The following ASAP2 variants were observed in gnomAD, a reference collection of about 807,000 sequenced individuals.
The protein encoded by ASAP2 is ArfGAP with SH3 domain, ankyrin repeat and PH domain 2, also known as arf-GAP with SH3 domain, ANK repeat and PH domain-containing protein 2.
In ASAP2, 45 loss-of-function variants were observed where a neutral mutation model predicts 131.4. The observed-to-expected ratio is 0.34, with a 90% confidence interval of 0.27 to 0.44. ASAP2 has a LOEUF of 0.44. ASAP2 is among the 20% of genes least tolerant of loss of function. The probability of loss-of-function intolerance (pLI) is 1.00; values close to 1 mark genes in which losing one functional copy is unlikely to be tolerated. For missense variants in ASAP2, 1,011 were observed against 1,297.0 expected (o/e 0.78, Z 3.39); for synonymous variants, 510 against 503.0 (o/e 1.01, Z -0.19).
At chr2:9,391,532 G>A (rs932883843) in intron 23 of ASAP2, among the ~76,000 whole-genome samples, 1 of 151,508 alleles carries the variant, frequency 6.6e-6, no homozygotes, top group African/African-American at 2.4e-5. Context: ...TTTGGGGACA[G>A]TCACTTGGAT....
chr2:9,206,923 G>T lies in ASAP2; in HGVS notation c.-182G>T. The T allele has an allele frequency of 2.9e-6, 1 of 345,298 alleles. No homozygotes were observed. The highest frequency in any genetic ancestry group is 4.0e-6 in the Non-Finnish European group (1 of 247,964). The allele number at this position is 345,298 out of a possible 1,614,324, so 21.4% of individuals were successfully genotyped here. A position where few individuals can be genotyped will look rare whatever the true frequency, so the allele number is the denominator to read the frequency against. ...GGGCGGACCGGCCGAGCTGCGCGGGGCTGCGCGCCGCCCCTGCTCCGCCGC... is the reference window on the plus strand; with the variant it reads ...GGGCGGACCGGCCGAGCTGCGCGGGTCTGCGCGCCGCCCCTGCTCCGCCGC... On this transcript the variant is annotated 5_prime_UTR_variant, in exon 1 of 28. Transcript: ENST00000281419. The surrounding 1 kb of genome is among the most constrained non-coding windows in gnomAD (Gnocchi z 4.0).
At chr2:9,369,132 C>T (rs1201774712) in intron 16 of ASAP2, among the ~76,000 whole-genome samples, 2 of 152,074 alleles carry the variant, frequency 1.3e-5, no homozygotes, top group Non-Finnish European at 2.9e-5. Context: ...GATTCTTCTG[C>T]CTCAGCCTCC....
intron 1 of ASAP2, among the ~76,000 whole-genome samples, chr2:9,249,685 G>T (rs182369093): frequency 2.7e-3 from 407 of 151,686 alleles, no homozygotes; most frequent in Non-Finnish European, 4.1e-3. Context: ...GAGACTGGGC[G>T]CTGGGCTGAG....
chr2:9,352,461 T>C lies in ASAP2; in HGVS notation c.1111+1566T>C, dbSNP rs544237637. On this transcript the variant is annotated intron_variant, in intron 12 of 27. Transcript: ENST00000281419. ...CTCATAAGCAATAATAGTGAACCTATCACCTGGAGGTGGGTGTAGGGACTT... is the reference window on the plus strand; with the variant it reads ...CTCATAAGCAATAATAGTGAACCTACCACCTGGAGGTGGGTGTAGGGACTT... Among the ~76,000 whole-genome samples, 4 of 152,322 alleles carry C rather than the reference T, an allele frequency of 2.6e-5. No homozygotes were observed. The South Asian group carries it at 8.3e-4, about 32-fold the overall frequency.
At position 9,254,525 on chromosome 2, in the gene ASAP2, GGATTTTTT is replaced by G. The variant is rs1200879523; in HGVS notation, c.127-24791_127-24784del. 2.2e-3 allele frequency among the ~76,000 whole-genome samples: 175 copies of G among 81,280 alleles called. 17 individuals are homozygous for G. Among genetic ancestry groups the G allele is most frequent in the African/African-American group, 8.9e-3 (165 of 18,472 alleles). 53.3% of individuals were successfully genotyped at this position (81,280 alleles called of 152,430 possible). A position where few individuals can be genotyped will look rare whatever the true frequency, so the allele number is the denominator to read the frequency against. ...GCACCACTACCCCCAGCTAATTTTT[GGATTTTTT>G]TTTTTTTTTTTTTTTTTTTTAGTAG... On this transcript the variant is annotated intron_variant, in intron 1 of 27. Transcript: ENST00000281419.
At chr2:9,264,405 G>A (rs1665799639) in intron 1 of ASAP2, among the ~76,000 whole-genome samples, 1 of 152,100 alleles carries the variant, frequency 6.6e-6, no homozygotes, top group South Asian at 2.1e-4. Context: ...TTCCTTGGAT[G>A]GCATTTCCAG....
Position 9,404,619 on chromosome 2 carries a change from T to G in ASAP2, c.*1292T>G, listed in dbSNP as rs899513113. 2.0e-5 allele frequency: 3 copies of G among 152,522 alleles called. No individual in the cohort carries two copies. The highest frequency in any genetic ancestry group is 6.5e-5 in the Admixed American group (1 of 15,272). The allele number at this position is 152,522 out of a possible 1,614,324, so 9.4% of individuals were successfully genotyped here. A position where few individuals can be genotyped will look rare whatever the true frequency, so the allele number is the denominator to read the frequency against. On this transcript the variant is annotated 3_prime_UTR_variant, in exon 28 of 28. Transcript: ENST00000281419. ...TACCCACTTGGACTTTTAACAAAAG[T>G]AAAGGAATAAATTTGCATATAGGCT...
chr2:9,224,309 G>A (rs891388094), intron 1 of ASAP2, among the ~76,000 whole-genome samples: 3 of 152,098 alleles, frequency 2.0e-5, no homozygotes, highest in African/African-American at 7.2e-5. Flanking sequence ...GCAGTTCTTA[G>A]TTTTCCTCTG....
chr2:9,376,108 T>C (rs1674378852), intron 17 of ASAP2, among the ~76,000 whole-genome samples: 1 of 152,220 alleles, frequency 6.6e-6, no homozygotes, highest in Admixed American at 6.5e-5. Flanking sequence ...TGCAGCATCT[T>C]TCTCTTGGTA....
At position 9,400,812 on chromosome 2, in the gene ASAP2, G is replaced by A; in HGVS notation, c.2805G>A (p.Met935Ile). 6.2e-7 allele frequency: 1 copy of A among 1,613,600 alleles called. No homozygotes were observed. Among genetic ancestry groups the A allele is most frequent in the Non-Finnish European group, 8.5e-7 (1 of 1,179,932 alleles). The change falls in exon 26 of 28, where the codon ATG becomes ATA. Residue 935 changes from methionine to isoleucine, a missense_variant. Physicochemically the swap from Met to Ile is conservative, Grantham distance 10. Around this residue, in one of 2 missense-constraint regions of ASAP2, gnomAD observed 652 missense variants for 698.9 expected, o/e 0.93. Transcript: ENST00000281419. ...TGGTCCTGCAGCCCCCTGCACCCAT[G>A]CCTAGGAAGTCGCAGGCAGTAAGTG... ...NAMVLQPPAP[M>I]PRKSQATKLK...
chr2:9,344,785 C>T lies in ASAP2; in HGVS notation c.1008C>T (p.Thr336=), dbSNP rs1480462646. Reference sequence around the variant, plus strand: ...GTTCAGTTAAAAATGGTTTTCTGACCATATCCCATGGTACCGTAAGTATTC... The same window carrying T: ...GTTCAGTTAAAAATGGTTTTCTGACTATATCCCATGGTACCGTAAGTATTC... ...RKCSVKNGFL[T]ISHGTANRPP... Residue 336 remains threonine (T), a synonymous_variant, in exon 11 of 28, where the codon ACC becomes ACT. Coordinates refer to ENST00000281419, the MANE Select transcript of ASAP2 (RefSeq NM_003887.3). 2 of 1,613,550 alleles carry T rather than the reference C, an allele frequency of 1.2e-6. No individual in the cohort carries two copies. The highest frequency in any genetic ancestry group is 1.7e-5 in the Admixed American group (1 of 60,020).
intron 7 of ASAP2, among the ~76,000 whole-genome samples, chr2:9,328,673 C>A: frequency 6.6e-6 from 1 of 152,320 alleles, no homozygotes; most frequent in East Asian, 1.9e-4. Flanking sequence ...GTCTGACCCA[C>A]GTCTCTGACC....
intron 11 of ASAP2, among the ~76,000 whole-genome samples, chr2:9,345,535 CT>C (rs1371281905): frequency 6.6e-6 from 1 of 152,176 alleles, no homozygotes; most frequent in Non-Finnish European, 1.5e-5. Flanking sequence ...ATGACTAGAG[CT>C]GGTGATAACC....
chr2:9,214,716 A>G (rs1474700904), intron 1 of ASAP2, among the ~76,000 whole-genome samples: 3 of 150,344 alleles, frequency 2.0e-5, no homozygotes, highest in African/African-American at 7.4e-5. Context: ...TTGGGCCCCT[A>G]CCGTATGTTG....
At chr2:9,210,632 G>A (rs34624339) in intron 1 of ASAP2, among the ~76,000 whole-genome samples, 36,194 of 151,290 alleles carry the variant, frequency 0.24, 4,601 homozygotes, top group Non-Finnish European at 0.28. Flanking sequence ...CCCACTCACT[G>A]CAAGCCCCGC....
intron 3 of ASAP2, among the ~76,000 whole-genome samples, chr2:9,318,024 C>G (rs916283666): frequency 6.6e-6 from 1 of 152,158 alleles, no homozygotes; most frequent in Non-Finnish European, 1.5e-5. Context: ...TCATTCGCAC[C>G]CAGCATTCGC....
chr2:9,306,363 G>C (rs1334099836), intron 3 of ASAP2, among the ~76,000 whole-genome samples: 2 of 151,788 alleles, frequency 1.3e-5, no homozygotes, highest in African/African-American at 4.9e-5. Flanking sequence ...CAGAAGAGCA[G>C]CCGTGTCGGC....
chr2:9,289,157 CT>C (rs1667642182), intron 2 of ASAP2, among the ~76,000 whole-genome samples: 2 of 152,202 alleles, frequency 1.3e-5, no homozygotes, highest in South Asian at 4.1e-4. Context: ...TCTTAGAAGC[CT>C]TTTGGCTGCT....
rs1675835905 is a variant in ASAP2, at chr2:9,392,943, C to T, written c.2519-539C>T. Reference sequence around the variant, plus strand: ...GCTCTTCCCCTCCGTGGGCCTCAGCCTCCTTGTCTGTAAAACGTAGACACT... The same window carrying T: ...GCTCTTCCCCTCCGTGGGCCTCAGCTTCCTTGTCTGTAAAACGTAGACACT... On this transcript the variant is annotated intron_variant, in intron 23 of 27. Coordinates refer to ENST00000281419, the MANE Select transcript of ASAP2 (RefSeq NM_003887.3). The surrounding 1 kb of genome is among the most constrained non-coding windows in gnomAD (Gnocchi z 4.0). Among the ~76,000 whole-genome samples the T allele has an allele frequency of 6.6e-6, 1 of 152,220 alleles. No homozygotes were observed. Among genetic ancestry groups the T allele is most frequent in the Non-Finnish European group, 1.5e-5 (1 of 68,048 alleles).
Sources: gnomAD v4.1 joint callset for allele counts (sites outside exome capture counted in the v4.1 genomes callset) on GRCh38, gnomAD v4.1.1 for gene constraint, gnomAD v4.1.1 regional missense constraint, Gnocchi (gnomAD v3.1) non-coding constraint, MANE v1.5 for transcripts, NCBI Gene and HGNC (gene_info 2026-07-23, HGNC 2026-07-21) for gene names.